Variants in FDXR observed in about 807,000 individuals in gnomAD.
The protein encoded by FDXR is ferredoxin reductase.
FDXR carries 38 observed loss-of-function variants against 58.3 expected under a neutral mutation model. The ratio of observed to expected loss-of-function variants is 0.65; its 90% CI spans 0.50 to 0.85. FDXR has a LOEUF of 0.85. FDXR is among the 40% of genes least tolerant of loss of function. The probability of loss-of-function intolerance (pLI) is 0.00; values close to 1 mark genes in which losing one functional copy is unlikely to be tolerated. For synonymous variants in FDXR, 275 were observed against 273.8 expected, an observed-to-expected ratio of 1.00 and a Z score of -0.04; for missense variants, 624 against 671.0, an observed-to-expected ratio of 0.93 and a Z score of 0.77.
At chr17:74,865,030 C>A in intron 6 of FDXR, 99 bp from the exon 7 acceptor site, 1 of 1,567,966 alleles carries the variant, frequency 6.4e-7, no homozygotes, top group Non-Finnish European at 8.7e-7. Flanking sequence ...AGAAGGCTGG[C>A]GGCTCAAAAT....
intron 1 of FDXR, 184 bp from the exon 2 acceptor site, chr17:74,872,317 C>T (rs1195259880): frequency 1.0e-5 from 16 of 1,526,436 alleles, no homozygotes; most frequent in Admixed American, 2.0e-5. Flanking sequence ...CCCCCAAAGG[C>T]TGTGGGTTCA....
At position 74,864,619 on chromosome 17, in the gene FDXR, C is replaced by T. The variant is rs1383148610; in HGVS notation, c.718-55G>A. 5.9e-6 allele frequency: 9 copies of T among 1,528,670 alleles called. No homozygotes were observed. The East Asian group carries it at 1.6e-4, about 28-fold the overall frequency. 94.7% of individuals were successfully genotyped at this position (1,528,670 alleles called of 1,614,324 possible). On this transcript the variant is annotated intron_variant, in intron 7 of 11. Coordinates refer to ENST00000293195, the MANE Select transcript of FDXR (RefSeq NM_024417.5). ...GAGGTCAGGCCCAGAACACAGTCCA[C>T]CTGAGCCCACCCCAGGGTCCAGCCC... is the stretch of plus-strand genomic sequence containing the variant.
At chr17:74,868,730 TC>T in intron 2 of FDXR, 1 of 1,510,544 alleles carries the variant, frequency 6.6e-7, no homozygotes, top group Non-Finnish European at 8.8e-7. Context: ...CTCTAGCTGC[TC>T]CCCGCTAACA....
In FDXR at chr17:74,872,876, C is replaced by T. The variant is rs1452061543; in HGVS notation, c.69G>A (p.Gly23=). 10 of 1,548,486 alleles carry T rather than the reference C, an allele frequency of 6.5e-6. No individual in the cohort carries two copies. Among genetic ancestry groups the T allele is most frequent in the Non-Finnish European group, 7.8e-6 (9 of 1,147,262 alleles). ...GCGCCCTGCTCCTACTCGGGGTGCT[C>T]CCGGCGGGAGGCAGCCGGGTCCGAG... ...AWPRTRLPPA[G]STPSFCHHFS... is the part of the protein sequence containing the mutation. The change falls in exon 1 of 12, where the codon GGG becomes GGA. Residue 23 remains glycine, a synonymous_variant. Coordinates refer to ENST00000293195, the MANE Select transcript of FDXR (RefSeq NM_024417.5).
intron 2 of FDXR, chr17:74,868,339 G>C: frequency 3.2e-6 from 2 of 634,310 alleles, no homozygotes; most frequent in Admixed American, 4.7e-5. Context: ...CAAAAGAAGA[G>C]CCCTGTGGTG....
At chr17:74,866,935 A>T in intron 2 of FDXR, 59 bp from the exon 3 acceptor site, 2 of 1,581,480 alleles carry the variant, frequency 1.3e-6, no homozygotes, top group Non-Finnish European at 1.7e-6. Flanking sequence ...GGACGCCCCC[A>T]GGTCCTCCCC....
intron 2 of FDXR, chr17:74,868,690 C>T: frequency 6.5e-7 from 1 of 1,530,948 alleles, no homozygotes; most frequent in South Asian, 1.2e-5. Context: ...TTCCAGGTTT[C>T]CTCCTTCCTT....
chr17:74,863,053 G>T, intron 11 of FDXR, 23 bp downstream of exon 11: 1 of 1,607,382 alleles, frequency 6.2e-7, no homozygotes, highest in African/African-American at 1.3e-5. Context: ...CACCTCCCAG[G>T]ACCTCAGCAT....
chr17:74,868,103 C>G (rs1291242804), intron 2 of FDXR: 4 of 211,062 alleles, frequency 1.9e-5, no homozygotes, highest in East Asian at 1.1e-4. Context: ...CCAAATCCCC[C>G]CTTCCCCTCC....
intron 2 of FDXR, among the ~76,000 whole-genome samples, chr17:74,871,791 A>G (rs990584586): frequency 6.6e-5 from 10 of 152,156 alleles, no homozygotes; most frequent in Non-Finnish European, 4.4e-5. Flanking sequence ...AGGGAGGCAA[A>G]GCTGACCACC....
rs370745215 is a variant in FDXR at position 74,866,023 on chromosome 17, C to T, written c.507+108G>A. 22 of 988,804 alleles carry T rather than the reference C, an allele frequency of 2.2e-5. No homozygotes were observed. The African/African-American group carries it at 3.3e-4, about 15-fold the overall frequency. 61.3% of individuals were successfully genotyped at this position (988,804 alleles called of 1,614,324 possible). ...AGCTGGCCTCCCGCCTCAGTCAGCA[C>T]AATGTCACAGCTCGCCACTGGATGG... On this transcript the variant is annotated intron_variant, in intron 5 of 11. Coordinates refer to ENST00000293195, the MANE Select transcript of FDXR (RefSeq NM_024417.5).
At chr17:74,870,145 C>T in intron 2 of FDXR, 1 of 322,162 alleles carries the variant, frequency 3.1e-6, no homozygotes, top group South Asian at 2.3e-5. Flanking sequence ...AAGGATTGTA[C>T]CTGGCCTGAG....
chr17:74,871,809 G>T (rs949245461), intron 2 of FDXR, among the ~76,000 whole-genome samples: 1 of 152,144 alleles, frequency 6.6e-6, no homozygotes, highest in African/African-American at 2.4e-5. Flanking sequence ...ACCTGCCACT[G>T]ACCACTCACC....
chr17:74,864,976 G>C, intron 6 of FDXR, 45 bp from the exon 7 acceptor site: 1 of 1,613,434 alleles, frequency 6.2e-7, no homozygotes. Context: ...ACTGACCGAG[G>C]AAAGGGGACT....
intron 6 of FDXR, 71 bp from the exon 7 acceptor site, chr17:74,865,002 T>G (rs571528622): frequency 1.2e-6 from 2 of 1,604,646 alleles, no homozygotes; most frequent in African/African-American, 2.7e-5. Context: ...TTTGGTCATG[T>G]CCCCACCGTG....
rs376477275 is a variant in FDXR at position 74,866,435 on chromosome 17, G to A, written c.393+11C>T. ...CCCTGCCTCCCCAAGCCAGGGCCTA[G>A]CTGCACTCACCAGCACCACAGCGTG... is the stretch of plus-strand genomic sequence containing the variant. On this transcript the variant is annotated intron_variant, in intron 4 of 11. Transcript: ENST00000293195. 4.8e-5 allele frequency: 77 copies of A among 1,612,412 alleles called. No individual in the cohort carries two copies. Among genetic ancestry groups the A allele is most frequent in the Non-Finnish European group, 5.7e-5 (67 of 1,179,580 alleles).
In FDXR at chr17:74,871,934, C is replaced by A. The variant is rs977084960; in HGVS notation, c.177+102G>T. The A allele has an allele frequency of 1.0e-4, 84 of 825,244 alleles. No homozygotes were observed. In the South Asian group the frequency reaches 1.4e-3, roughly 14 times the overall value. 51.1% of individuals were successfully genotyped at this position (825,244 alleles called of 1,614,324 possible). A position where few individuals can be genotyped will look rare whatever the true frequency, so the allele number is the denominator to read the frequency against. On this transcript the variant is annotated intron_variant, in intron 2 of 11. Transcript: ENST00000293195. ...AGGCCAGATGGCTGGGAGCCCCTTC[C>A]CCATAAGGCAACCAGGAGTGCTCTT...
Position 74,864,338 on chromosome 17 carries a change from C to A in FDXR, c.812G>T (p.Arg271Leu). Residue 271 changes from arginine (R) to leucine (L), a missense_variant, in exon 9 of 12, where the codon CGC becomes CTC. Transcript: ENST00000293195. ...CAGTTCCGTCAGCCGCTTCCTCGGG[C>A]GGGGGACCTCTGTCAGCAACGTAGA... ...GLQDKIKEVP[R>L]PRKRLTELLL... The A allele has an allele frequency of 6.3e-7, 1 of 1,575,356 alleles. No individual in the cohort carries two copies. The highest frequency in any genetic ancestry group is 8.6e-7 in the Non-Finnish European group (1 of 1,158,762).
chr17:74,872,639 A>T, intron 1 of FDXR: 1 of 953,966 alleles, frequency 1.0e-6, no homozygotes, highest in Non-Finnish European at 1.5e-6. Flanking sequence ...TAGATCTCAA[A>T]GTCTCTCCTT....
Sources: allele counts gnomAD v4.1 joint callset (sites outside exome capture counted in the v4.1 genomes callset), GRCh38; gene constraint gnomAD v4.1.1; transcripts MANE v1.5; gene names NCBI Gene and HGNC (gene_info 2026-07-23, HGNC 2026-07-21).